The following MOXD1 variants were observed in gnomAD, a reference collection of about 807,000 sequenced individuals.
The protein encoded by MOXD1 is DBH-like monooxygenase protein 1.
Under a neutral mutation model 66.6 loss-of-function variants are expected in MOXD1, and 62 were observed. The observed-to-expected ratio is 0.93, with a 90% CI of 0.76 to 1.15. The LOEUF (loss-of-function observed/expected upper bound fraction) is 1.15, where lower values mean the gene tolerates loss of function less well. MOXD1 is among the 50% of genes most tolerant of loss of function. MOXD1 has a pLI of 0.00. For missense variants in MOXD1, 847 were observed against 754.6 expected (o/e 1.12, Z -1.44); for synonymous variants, 303 against 281.9 (o/e 1.07, Z -0.75).
chr6:132,298,151 T>G (rs1213148738), intron 10 of MOXD1, among the ~76,000 whole-genome samples, 196 bp from the exon 11 acceptor site: 1 of 152,156 alleles, frequency 6.6e-6, no homozygotes, highest in Non-Finnish European at 1.5e-5. Context: ...ATGATATTTA[T>G]TTTTTAGTAG....
chr6:132,401,304 C>A lies in MOXD1; in HGVS notation c.123G>T (p.Trp41Cys). 2 of 1,594,640 alleles carry A rather than the reference C, an allele frequency of 1.3e-6. No individual in the cohort carries two copies. The highest frequency in any genetic ancestry group is 1.7e-6 in the Non-Finnish European group (2 of 1,175,796). The change falls in exon 1 of 12, where the codon TGG (tryptophan) becomes TGT (cysteine). Residue 41 changes from tryptophan to cysteine, a missense_variant. Coordinates refer to ENST00000367963, the MANE Select transcript of MOXD1 (RefSeq NM_015529.4). ...AGGCGATCTGGCTGCCCCGCTGGCT[C>A]CAGCCCAGCCAGTACTTGCCCTCCG... ...LDSEGKYWLG[W>C]SQRGSQIAFR...
chr6:132,367,658 A>C (rs1370902067), intron 4 of MOXD1, among the ~76,000 whole-genome samples: 1 of 152,094 alleles, frequency 6.6e-6, no homozygotes, highest in Non-Finnish European at 1.5e-5. Flanking sequence ...GCCTGATCAT[A>C]ATAGTTGAGT....
chr6:132,400,600 G>A (rs1277472572), intron 1 of MOXD1, among the ~76,000 whole-genome samples: 1 of 152,040 alleles, frequency 6.6e-6, no homozygotes, highest in African/African-American at 2.4e-5. Context: ...GTGGCTTCCT[G>A]AACAGCTCTC....
rs545740458 is a variant in MOXD1, at chr6:132,392,717, C to G, written c.264+8446G>C. On this transcript the variant is annotated intron_variant, in intron 1 of 11. Transcript: ENST00000367963. ...CATTCAAGGGAAATGTTTCCACAAG[C>G]ATGAGCTGCTCCAGAACAATTTATC... Among the ~76,000 whole-genome samples the G allele has an allele frequency of 3.9e-5, 6 of 152,344 alleles. No homozygotes were observed. In the East Asian group the frequency reaches 1.2e-3, roughly 29 times the overall value.
At chr6:132,298,615 T>G (rs193039436) in intron 10 of MOXD1, among the ~76,000 whole-genome samples, 1 of 152,074 alleles carries the variant, frequency 6.6e-6, no homozygotes, top group African/African-American at 2.4e-5. Flanking sequence ...TCAAAAATTT[T>G]ACTCATTTCT....
At chr6:132,392,006 T>C (rs886588575) in intron 1 of MOXD1, 2 of 605,564 alleles carry the variant, frequency 3.3e-6, no homozygotes, top group East Asian at 3.2e-5. Flanking sequence ...GGGGGCATAA[T>C]CTGAAGACTT....
At chr6:132,317,532 C>T (rs1161573709) in intron 9 of MOXD1, among the ~76,000 whole-genome samples, 1 of 152,070 alleles carries the variant, frequency 6.6e-6, no homozygotes. Context: ...AAGTTATTTT[C>T]TAATACCAAG....
In MOXD1 at chr6:132,297,971, A is replaced by G; in HGVS notation, c.1509-16T>C. The G allele has an allele frequency of 6.3e-7, 1 of 1,597,422 alleles. No individual in the cohort carries two copies. Among genetic ancestry groups the G allele is most frequent in the Non-Finnish European group, 8.5e-7 (1 of 1,173,698 alleles). ...AGGCCAGGTCCTGAATTTAAAAGACACAGTTAGTCATATTCAGAACAAATG... is the reference window on the plus strand; with the variant it reads ...AGGCCAGGTCCTGAATTTAAAAGACGCAGTTAGTCATATTCAGAACAAATG... On this transcript the variant is annotated splice_polypyrimidine_tract_variant and intron_variant, in intron 10 of 11. Transcript: ENST00000367963.
intron 4 of MOXD1, among the ~76,000 whole-genome samples, chr6:132,343,144 A>G (rs1371121226): frequency 6.6e-6 from 1 of 152,264 alleles, no homozygotes; most frequent in Non-Finnish European, 1.5e-5. Context: ...ATAAGTAAAC[A>G]TTAAATTACC....
intron 4 of MOXD1, among the ~76,000 whole-genome samples, chr6:132,356,857 T>C (rs1775919098): frequency 6.6e-6 from 1 of 152,078 alleles, no homozygotes; most frequent in South Asian, 2.1e-4. Flanking sequence ...GCATAAAGTT[T>C]TAGAAAAATA....
intron 4 of MOXD1, among the ~76,000 whole-genome samples, chr6:132,359,776 G>A (rs574821172): frequency 3.3e-5 from 5 of 152,242 alleles, no homozygotes; most frequent in African/African-American, 1.2e-4. Flanking sequence ...GTGAGCCACC[G>A]CGCCCGGCCC....
Position 132,296,493 on chromosome 6 carries a change from C to T in MOXD1, c.*660G>A, listed in dbSNP as rs1483614801. On this transcript the variant is annotated 3_prime_UTR_variant, in exon 12 of 12. Coordinates refer to ENST00000367963, the MANE Select transcript of MOXD1 (RefSeq NM_015529.4). The stretch of plus-strand genomic sequence containing the variant: ...TAGTGACAGAGCTCTAGAAAAAACT[C>T]ATCTGGCCAGTACTAAACAGGGAAG... The T allele has an allele frequency of 6.6e-6, 1 of 152,124 alleles. No homozygotes were observed. Among genetic ancestry groups the T allele is most frequent in the Non-Finnish European group, 1.5e-5 (1 of 68,068 alleles). 9.4% of individuals were successfully genotyped at this position (152,124 alleles called of 1,614,324 possible).
intron 1 of MOXD1, among the ~76,000 whole-genome samples, chr6:132,392,964 G>A (rs1326673094): frequency 1.3e-5 from 2 of 152,220 alleles, no homozygotes; most frequent in East Asian, 3.8e-4. Context: ...CCACAGGTCT[G>A]CAGGTAAATG....
At chr6:132,320,532 T>C in intron 9 of MOXD1, 97 bp downstream of exon 9, 1 of 1,066,062 alleles carries the variant, frequency 9.4e-7, no homozygotes, top group African/African-American at 1.6e-5. Context: ...AGAACTTTTC[T>C]TTCTAAATGG....
intron 4 of MOXD1, among the ~76,000 whole-genome samples, chr6:132,333,835 T>C (rs1214082946): frequency 1.3e-5 from 2 of 152,208 alleles, no homozygotes; most frequent in African/African-American, 4.8e-5. Context: ...TATTAACTAC[T>C]GTGTGTATTA....
rs10080548 is a variant in MOXD1, at chr6:132,297,405, G to A, written c.1678-88C>T. 4.8e-3 allele frequency: 6,478 copies of A among 1,336,236 alleles called. 244 individuals carry two copies. The African/African-American group carries it at 0.082, about 17-fold the overall frequency. The allele number at this position is 1,336,236 out of a possible 1,614,324, so 82.8% of individuals were successfully genotyped here. Reference sequence around the variant, plus strand: ...CCGCTCAGCTGCCCACACTTCTGCAGGGGATAAAGGGGGCAGGAGTGGTTA... The same window carrying A: ...CCGCTCAGCTGCCCACACTTCTGCAAGGGATAAAGGGGGCAGGAGTGGTTA... On this transcript the variant is annotated intron_variant, in intron 11 of 11. Transcript: ENST00000367963.
chr6:132,317,715 C>A (rs1201831928), intron 9 of MOXD1, among the ~76,000 whole-genome samples: 1 of 151,968 alleles, frequency 6.6e-6, no homozygotes, highest in African/African-American at 2.4e-5. Flanking sequence ...ATTTCAACAA[C>A]AAAAATTATA....
At chr6:132,374,566 T>C (rs1776336691) in intron 2 of MOXD1, 65 bp downstream of exon 2, 18 of 1,407,042 alleles carry the variant, frequency 1.3e-5, no homozygotes, top group Non-Finnish European at 1.8e-5. Flanking sequence ...TCTTATTCTT[T>C]AAAGTGCTTC....
intron 4 of MOXD1, among the ~76,000 whole-genome samples, chr6:132,330,119 G>A (rs1775284750): frequency 6.6e-6 from 1 of 152,198 alleles, no homozygotes; most frequent in African/African-American, 2.4e-5. Context: ...ATGGAGCCTT[G>A]TACTTGGTGT....
Sources: gnomAD v4.1 joint callset for allele counts (sites outside exome capture counted in the v4.1 genomes callset) on GRCh38, gnomAD v4.1.1 for gene constraint, MANE v1.5 for transcripts, NCBI Gene and HGNC (gene_info 2026-07-23, HGNC 2026-07-21) for gene names.